RAB12: variants seen among roughly 807,000 people sequenced by gnomAD.
RAB12 encodes the protein RAB12, member RAS oncogene family, also known as ras-related protein Rab-12.
A neutral mutation model predicts 28.4 loss-of-function variants in RAB12; 11 were observed. That is an observed-to-expected ratio of 0.39 (90% CI 0.24 to 0.64). RAB12 has a LOEUF of 0.64. Among genes scored for constraint, RAB12 ranks in the 30% least tolerant of loss-of-function variants. The pLI is 0.50. For synonymous variants in RAB12, 138 were observed against 145.3 expected (o/e 0.95, Z 0.36); for missense variants, 276 against 351.1 (o/e 0.79, Z 1.71).
At chr18:8,620,177 A>G (rs1334715471) in intron 1 of RAB12, among the ~76,000 whole-genome samples, 1 of 149,056 alleles carries the variant, frequency 6.7e-6, no homozygotes, top group Non-Finnish European at 1.5e-5. Context: ...AAAAAAAAAA[A>G]AGACTGACTT....
At chr18:8,612,584 G>A (rs564071930) in intron 1 of RAB12, among the ~76,000 whole-genome samples, 2 of 152,362 alleles carry the variant, frequency 1.3e-5, no homozygotes, top group Admixed American at 1.3e-4. Context: ...CCCTGAGTGT[G>A]CCTGGACCAA....
intron 1 of RAB12, among the ~76,000 whole-genome samples, chr18:8,621,264 A>G (rs1203549015): frequency 3.3e-5 from 5 of 152,210 alleles, no homozygotes; most frequent in Non-Finnish European, 7.4e-5. Flanking sequence ...TATCACTTCT[A>G]TGACATCCCA....
intron 1 of RAB12, among the ~76,000 whole-genome samples, chr18:8,617,015 C>T (rs951022351): frequency 6.6e-5 from 10 of 152,210 alleles, no homozygotes; most frequent in African/African-American, 2.4e-4. Context: ...TGGAGGCAGG[C>T]ATACAGTCCT....
At chr18:8,628,490 A>G (rs2096014104) in intron 2 of RAB12, among the ~76,000 whole-genome samples, 1 of 152,230 alleles carries the variant, frequency 6.6e-6, no homozygotes, top group African/African-American at 2.4e-5. Context: ...CTTCAGAGCC[A>G]GGCCCAAACA....
At chr18:8,610,121 G>A (rs1233295980) in intron 1 of RAB12, 168 bp downstream of exon 1, 5 of 543,494 alleles carry the variant, frequency 9.2e-6, no homozygotes, top group South Asian at 9.2e-5. Flanking sequence ...CAATCCCAAA[G>A]CCTGGCAGAG....
At position 8,636,301 on chromosome 18, in the gene RAB12, G is replaced by A; in HGVS notation, c.853G>A (p.Asp285Asn). The A allele has an allele frequency of 6.2e-7, 1 of 1,613,650 alleles. No homozygotes were observed. The highest frequency in any genetic ancestry group is 8.5e-7 in the Non-Finnish European group (1 of 1,179,780). Residue 285 changes from aspartate (D) to asparagine (N), a missense_variant, in exon 5 of 6, where the codon GAT becomes AAT. Coordinates refer to ENST00000649141, the MANE Select transcript of RAB12 (RefSeq NM_001025300.3). ...GMRFCEASAK[D>N]NFNVDEIFLK... ...GCGGTTCTGTGAAGCAAGTGCCAAG[G>A]ATAACTTCAATGTGGACGAGATATT...
Position 8,611,053 on chromosome 18 carries a change from T to C in RAB12, c.514+1100T>C, listed in dbSNP as rs147614917. 1.3e-3 allele frequency among the ~76,000 whole-genome samples: 196 copies of C among 152,362 alleles called. 3 individuals carry two copies. In the South Asian group the frequency reaches 0.021, roughly 17 times the overall value. On this transcript the variant is annotated intron_variant, in intron 1 of 5. Coordinates refer to ENST00000649141, the MANE Select transcript of RAB12 (RefSeq NM_001025300.3). ...AGTGAAACCTCCAATTTTTGTACTG[T>C]CTTTCTTGGTTTGTTTTCAAGAACT...
At position 8,638,308 on chromosome 18, in the gene RAB12, A is replaced by C; in HGVS notation, c.*46A>C. The stretch of plus-strand genomic sequence containing the variant: ...GTGGAAATGATTCCTGGAAAGGGGA[A>C]AAAACGTTCTATTCTGCACTACAAT... On this transcript the variant is annotated 3_prime_UTR_variant, in exon 6 of 6. Transcript: ENST00000649141. 7.3e-7 allele frequency: 1 copy of C among 1,362,344 alleles called. No homozygotes were observed. Among genetic ancestry groups the C allele is most frequent in the Non-Finnish European group, 1.0e-6 (1 of 953,158 alleles). The allele number at this position is 1,362,344 out of a possible 1,614,324, so 84.4% of individuals were successfully genotyped here. A position where few individuals can be genotyped will look rare whatever the true frequency, so the allele number is the denominator to read the frequency against.
At chr18:8,610,245 C>T (rs2096002977) in intron 1 of RAB12, among the ~76,000 whole-genome samples, 1 of 152,190 alleles carries the variant, frequency 6.6e-6, no homozygotes, top group African/African-American at 2.4e-5. Context: ...CGGCCCTTAG[C>T]ATACTCGCCC....
At position 8,609,890 on chromosome 18, in the gene RAB12, A is replaced by C. The variant is rs2096002739; in HGVS notation, c.451A>C (p.Lys151Gln). ...VIIIGSRGVGKTSLMERFTDD... is the reference protein window; with the variant it reads ...VIIIGSRGVGQTSLMERFTDD... ...CATTATCGGCTCCCGCGGCGTGGGC[A>C]AGACCAGCCTGATGGAGCGCTTCAC... The change falls in exon 1 of 6, where the codon AAG becomes CAG. Residue 151 changes from lysine (K) to glutamine (Q), a missense_variant. Physicochemically the swap from Lys to Gln is moderately conservative, Grantham distance 53. Coordinates refer to ENST00000649141, the MANE Select transcript of RAB12 (RefSeq NM_001025300.3). 1 of 1,605,886 alleles carries C rather than the reference A, an allele frequency of 6.2e-7. No individual in the cohort carries two copies.
intron 1 of RAB12, among the ~76,000 whole-genome samples, chr18:8,611,976 G>A (rs777589140): frequency 2.6e-5 from 4 of 152,186 alleles, no homozygotes; most frequent in Non-Finnish European, 5.9e-5. Context: ...CTGCAGAGCG[G>A]GAAGACACTG....
chr18:8,616,472 C>T (rs1251681207), intron 1 of RAB12, among the ~76,000 whole-genome samples: 2 of 151,638 alleles, frequency 1.3e-5, no homozygotes, highest in Non-Finnish European at 2.9e-5. Context: ...TTCCCTCCAA[C>T]TCTGACAAAC....
intron 3 of RAB12, among the ~76,000 whole-genome samples, chr18:8,634,938 C>CT (rs1205905057): frequency 6.6e-6 from 1 of 152,156 alleles, no homozygotes; most frequent in Non-Finnish European, 1.5e-5. Flanking sequence ...TGTAGCTTAA[C>CT]TTTTTTCCTG....
At chr18:8,630,023 T>C (rs1163480860) in intron 2 of RAB12, among the ~76,000 whole-genome samples, 2 of 152,316 alleles carry the variant, frequency 1.3e-5, no homozygotes, top group African/African-American at 2.4e-5. Context: ...AATTAGAAAT[T>C]TGCAGTGGTT....
chr18:8,637,855 A>G (rs1342924930), intron 5 of RAB12, among the ~76,000 whole-genome samples: 2 of 152,194 alleles, frequency 1.3e-5, no homozygotes, highest in Non-Finnish European at 2.9e-5. Context: ...AAGAGAAAAT[A>G]TATTTACTAT....
At chr18:8,614,760 A>G (rs1250254675) in intron 1 of RAB12, among the ~76,000 whole-genome samples, 1 of 151,818 alleles carries the variant, frequency 6.6e-6, no homozygotes, top group Non-Finnish European at 1.5e-5. Flanking sequence ...TAATTTTTGT[A>G]TTTTTAGTAG....
chr18:8,624,769 T>C (rs2096011756), intron 1 of RAB12, among the ~76,000 whole-genome samples, 169 bp from the exon 2 acceptor site: 1 of 152,092 alleles, frequency 6.6e-6, no homozygotes, highest in African/African-American at 2.4e-5. Context: ...AGATGGGAGG[T>C]TATAGACACT....
chr18:8,616,280 C>T (rs1374713463), intron 1 of RAB12, among the ~76,000 whole-genome samples: 1 of 151,726 alleles, frequency 6.6e-6, no homozygotes, highest in Non-Finnish European at 1.5e-5. Context: ...CATTTATCAT[C>T]CTCCTTTTGT....
chr18:8,611,596 T>C (rs2096003860), intron 1 of RAB12, among the ~76,000 whole-genome samples: 2 of 152,106 alleles, frequency 1.3e-5, no homozygotes, highest in South Asian at 2.1e-4. Flanking sequence ...TTGACCGCCA[T>C]GCTAAGGAGA....
Sources: allele counts gnomAD v4.1 joint callset (sites outside exome capture counted in the v4.1 genomes callset), GRCh38; gene constraint gnomAD v4.1.1; transcripts MANE v1.5; gene names NCBI Gene and HGNC (gene_info 2026-07-23, HGNC 2026-07-21).